Variants in DNAH14 observed in about 807,000 individuals in gnomAD.
DNAH14 encodes axonemal beta dynein heavy chain 14.
A neutral mutation model predicts 520.9 loss-of-function variants in DNAH14; 478 were observed. That is an observed-to-expected ratio of 0.92 (90% CI 0.85 to 0.99). The LOEUF (loss-of-function observed/expected upper bound fraction) is 0.99, where lower values mean the gene tolerates loss of function less well. Ranked by LOEUF, DNAH14 falls within the 50% of genes least tolerant of loss-of-function variation. The pLI, the probability that DNAH14 is intolerant of heterozygous loss-of-function variation, is 0.00. For missense variants in DNAH14, 4,831 were observed against 5,234.5 expected, an observed-to-expected ratio of 0.92 and a Z score of 2.38; for synonymous variants, 1,581 against 1,757.2, an observed-to-expected ratio of 0.90 and a Z score of 2.51.
Position 225,210,907 on chromosome 1 carries a change from G to A in DNAH14, c.6439+3687G>A, listed in dbSNP as rs566561680. Among the ~76,000 whole-genome samples the A allele has an allele frequency of 2.0e-5, 3 of 152,324 alleles. No homozygotes were observed. The South Asian group carries it at 6.2e-4, about 32-fold the overall frequency. ...CAAACTCCAACAGACCTGCAGCAAA[G>A]AGTCCTGACTATTAGAAGGAAAACT... On this transcript the variant is annotated intron_variant, in intron 41 of 85. Coordinates refer to ENST00000682510, the MANE Select transcript of DNAH14 (RefSeq NM_001367479.1).
intron 23 of DNAH14, among the ~76,000 whole-genome samples, chr1:225,108,192 C>T (rs1294514683): frequency 2.0e-5 from 3 of 152,190 alleles, no homozygotes; most frequent in Non-Finnish European, 2.9e-5. Context: ...TGCCCTTGAA[C>T]ATCAGACTCC....
At chr1:225,124,591 A>G (rs1476333754) in intron 27 of DNAH14, among the ~76,000 whole-genome samples, 2 of 152,194 alleles carry the variant, frequency 1.3e-5, no homozygotes, top group Non-Finnish European at 2.9e-5. Flanking sequence ...ATTCCGTCAC[A>G]TCTTCAGGCT....
intron 41 of DNAH14, 149 bp downstream of exon 41, chr1:225,207,369 T>A: frequency 1.4e-6 from 1 of 736,820 alleles, no homozygotes; most frequent in Non-Finnish European, 2.0e-6. Context: ...TGGAACAAAT[T>A]AAAAACCATT....
At chr1:225,320,066 T>C (rs985768204) in intron 61 of DNAH14, among the ~76,000 whole-genome samples, 7 of 152,158 alleles carry the variant, frequency 4.6e-5, no homozygotes, top group Non-Finnish European at 1.0e-4. Flanking sequence ...CTTTTTTTTC[T>C]AGCAGATATT....
intron 73 of DNAH14, among the ~76,000 whole-genome samples, chr1:225,355,858 C>T (rs2095423481): frequency 6.6e-6 from 1 of 152,144 alleles, no homozygotes; most frequent in Non-Finnish European, 1.5e-5. Context: ...ACTTTGTCAT[C>T]ATCTTAAATA....
intron 10 of DNAH14, among the ~76,000 whole-genome samples, chr1:225,008,690 G>T (rs530848409): frequency 6.7e-6 from 1 of 148,426 alleles, no homozygotes; most frequent in African/African-American, 2.5e-5. Context: ...CTCCCAAAGT[G>T]CTGGGATTAC....
chr1:225,246,762 C>T (rs598766), intron 43 of DNAH14, among the ~76,000 whole-genome samples: 19,844 of 152,156 alleles, frequency 0.13, 1,456 homozygotes, highest in East Asian at 0.31. Flanking sequence ...GAAATAGGAA[C>T]GCTTTTACAC....
chr1:225,270,614 A>T, intron 49 of DNAH14, 121 bp from the exon 50 acceptor site: 2 of 784,400 alleles, frequency 2.5e-6, no homozygotes, highest in Non-Finnish European at 3.6e-6. Context: ...AATAAATAGT[A>T]ATTAAATCTT....
At chr1:225,306,936 G>A (rs1229878911) in intron 58 of DNAH14, among the ~76,000 whole-genome samples, 2 of 151,930 alleles carry the variant, frequency 1.3e-5, no homozygotes, top group Admixed American at 1.3e-4. Context: ...GATATGGGGG[G>A]AGAAAAAGCA....
At position 225,335,866 on chromosome 1, in the gene DNAH14, C is replaced by T. The variant is rs1317180065; in HGVS notation, c.10081-1400C>T. Among the ~76,000 whole-genome samples, 35 of 62,426 alleles carry T rather than the reference C, an allele frequency of 5.6e-4. 3 individuals carry two copies. The highest frequency in any genetic ancestry group is 1.1e-3 in the Admixed American group (7 of 6,550). 41.0% of individuals were successfully genotyped at this position (62,426 alleles called of 152,430 possible). A position where few individuals can be genotyped will look rare whatever the true frequency, so the allele number is the denominator to read the frequency against. On this transcript the variant is annotated intron_variant, in intron 66 of 85. Transcript: ENST00000682510. ...ACATACACATATGTACATATATGTA[C>T]ATACACATATACATATATGTACATA...
At position 225,307,375 on chromosome 1, in the gene DNAH14, G is replaced by A. The variant is rs534052378; in HGVS notation, c.9006-86G>A. 14 of 931,108 alleles carry A rather than the reference G, an allele frequency of 1.5e-5. No individual in the cohort carries two copies. In the East Asian group the frequency reaches 3.0e-4, roughly 20 times the overall value. 57.7% of individuals were successfully genotyped at this position (931,108 alleles called of 1,614,324 possible). On this transcript the variant is annotated intron_variant, in intron 58 of 85. Coordinates refer to ENST00000682510, the MANE Select transcript of DNAH14 (RefSeq NM_001367479.1). ...AATAAAATCCATTTGGCCATAATTT[G>A]GTGTAATTCTTTTTATATATTATCA...
chr1:225,354,889 T>A (rs1035353411), intron 73 of DNAH14, among the ~76,000 whole-genome samples: 1 of 152,200 alleles, frequency 6.6e-6, no homozygotes, highest in African/African-American at 2.4e-5. Context: ...CTTGCAACAC[T>A]TTAAAAATTC....
chr1:225,050,907 A>G (rs770948516), intron 16 of DNAH14, among the ~76,000 whole-genome samples: 2 of 152,202 alleles, frequency 1.3e-5, no homozygotes, highest in Non-Finnish European at 2.9e-5. Flanking sequence ...CATTAGTTAG[A>G]TTGTGATAAG....
intron 71 of DNAH14, among the ~76,000 whole-genome samples, chr1:225,350,019 C>T (rs1274426904): frequency 2.0e-5 from 3 of 152,118 alleles, no homozygotes; most frequent in Non-Finnish European, 2.9e-5. Context: ...TGCACAAAAA[C>T]ATTCCCCAGA....
At chr1:225,014,022 A>G (rs932433014) in intron 10 of DNAH14, among the ~76,000 whole-genome samples, 15 of 152,064 alleles carry the variant, frequency 9.9e-5, no homozygotes, top group African/African-American at 3.6e-4. Context: ...TCCTGCAGCT[A>G]GCTCGGATTT....
intron 35 of DNAH14, among the ~76,000 whole-genome samples, chr1:225,162,148 A>T (rs2081577209): frequency 6.6e-6 from 1 of 152,156 alleles, no homozygotes; most frequent in Admixed American, 6.5e-5. Flanking sequence ...GAGGTCTTAG[A>T]TTTAAGCCTT....
chr1:225,249,088 G>T (rs2092434627), intron 43 of DNAH14, among the ~76,000 whole-genome samples: 1 of 152,168 alleles, frequency 6.6e-6, no homozygotes, highest in Admixed American at 6.5e-5. Flanking sequence ...GAAGCCAAAT[G>T]AAAGCCCCTC....
intron 27 of DNAH14, among the ~76,000 whole-genome samples, chr1:225,133,670 G>A (rs1254476086): frequency 6.6e-6 from 1 of 152,156 alleles, no homozygotes; most frequent in Non-Finnish European, 1.5e-5. Flanking sequence ...GATGCCTCCA[G>A]ATTCGTTCTT....
rs1415549500 is a variant in DNAH14, at chr1:225,377,424, A to G, written c.12704A>G (p.Asn4235Ser). 4.5e-6 allele frequency: 7 copies of G among 1,549,846 alleles called. No individual in the cohort carries two copies. The South Asian group carries it at 8.4e-5, about 18-fold the overall frequency. The change falls in exon 79 of 86, where the codon AAC becomes AGC. Residue 4235 changes from asparagine to serine, a missense_variant. Asn to Ser is a conservative substitution (Grantham distance 46). Transcript: ENST00000682510. Reference sequence around the variant, plus strand: ...ATGCAACCAAAAACTACCACTGCCAACCTCATGATCAGGTAAGAACTCGCT... The same window carrying G: ...ATGCAACCAAAAACTACCACTGCCAGCCTCATGATCAGGTAAGAACTCGCT... ...IAMQPKTTTANLMIRPEQSKD... is the reference protein window; with the variant it reads ...IAMQPKTTTASLMIRPEQSKD...
Sources: allele counts gnomAD v4.1 joint callset (sites outside exome capture counted in the v4.1 genomes callset), GRCh38; gene constraint gnomAD v4.1.1; transcripts MANE v1.5; gene names NCBI Gene and HGNC (gene_info 2026-07-23, HGNC 2026-07-21).